Variants in PGCKA1 observed in about 807,000 individuals in gnomAD.
The protein encoded by PGCKA1 is PDCD10 and GCKIII kinases-associated protein 1.
the PGCKA1 span, among the ~76,000 whole-genome samples, chr4:37,534,496 A>G: frequency 2.0e-5 from 3 of 152,258 alleles, no homozygotes; most frequent in Admixed American, 6.5e-5. Context: ...TACTGGGTTA[A>G]ACATGATAGC....
chr4:37,584,573 C>T, the PGCKA1 span, among the ~76,000 whole-genome samples: 1 of 152,102 alleles, frequency 6.6e-6, no homozygotes, highest in Admixed American at 6.5e-5. Context: ...AGCCTAAAAG[C>T]CGCAAATGAT....
chr4:37,525,057 T>G, the PGCKA1 span, among the ~76,000 whole-genome samples: 75,955 of 151,578 alleles, frequency 0.5, 19,835 homozygotes, highest in African/African-American at 0.64. Context: ...AAACTGAAAA[T>G]TAGAGACAAA....
chr4:37,589,833 T>C, the PGCKA1 span, among the ~76,000 whole-genome samples: 1 of 152,174 alleles, frequency 6.6e-6, no homozygotes. Flanking sequence ...GGTTTCACCA[T>C]GTCGGTCAGG....
At chr4:37,499,689 T>G in the PGCKA1 span, among the ~76,000 whole-genome samples, 2 of 152,070 alleles carry the variant, frequency 1.3e-5, no homozygotes, top group East Asian at 3.8e-4. Flanking sequence ...GTCTTCTCTC[T>G]TTTTTCATTT....
the PGCKA1 span, among the ~76,000 whole-genome samples, chr4:37,529,475 G>A: frequency 6.6e-6 from 1 of 152,160 alleles, no homozygotes. Flanking sequence ...TTGCAACTCA[G>A]TATGTGATGA....
the PGCKA1 span, chr4:37,460,747 G>C: frequency 3.1e-6 from 1 of 326,688 alleles, no homozygotes; most frequent in Non-Finnish European, 5.9e-6. Context: ...CCTTTGTCAG[G>C]TGGGTAGATT....
chr4:37,481,303 A>AT, the PGCKA1 span, among the ~76,000 whole-genome samples: 1 of 151,838 alleles, frequency 6.6e-6, no homozygotes, highest in Non-Finnish European at 1.5e-5. Flanking sequence ...CTACTAAAAA[A>AT]AAAATACAAA....
chr4:37,545,107 T>C, the PGCKA1 span, among the ~76,000 whole-genome samples: 2 of 152,176 alleles, frequency 1.3e-5, no homozygotes, highest in African/African-American at 4.8e-5. Flanking sequence ...CCACGCACCT[T>C]GGCCTCCCCA....
the PGCKA1 span, among the ~76,000 whole-genome samples, chr4:37,495,013 TAG>T: frequency 1.6e-3 from 244 of 151,476 alleles, 2 homozygotes; most frequent in African/African-American, 5.5e-3. Flanking sequence ...CCAGAATCTA[TAG>T]AGAGCTTAAA....
At chr4:37,503,611 A>G in the PGCKA1 span, among the ~76,000 whole-genome samples, 4 of 152,150 alleles carry the variant, frequency 2.6e-5, no homozygotes, top group Admixed American at 2.6e-4. Context: ...CCTCACCAGT[A>G]TTTGTTATTG....
the PGCKA1 span, among the ~76,000 whole-genome samples, chr4:37,503,102 C>G: frequency 2.8e-4 from 43 of 152,290 alleles, no homozygotes; most frequent in African/African-American, 9.6e-4. Context: ...TATGCTGCCC[C>G]TACCACTTCT....
the PGCKA1 span, among the ~76,000 whole-genome samples, chr4:37,527,948 C>T: frequency 2.0e-5 from 3 of 152,278 alleles, no homozygotes; most frequent in Admixed American, 2.0e-4. Flanking sequence ...GTGTGGTAGG[C>T]TACACCATCT....
the PGCKA1 span, among the ~76,000 whole-genome samples, chr4:37,553,234 C>A: frequency 1.3e-5 from 2 of 150,592 alleles, no homozygotes; most frequent in African/African-American, 4.9e-5. Flanking sequence ...CAGCAGTATA[C>A]CAAAAAATAT....
At chr4:37,540,578 T>G in the PGCKA1 span, among the ~76,000 whole-genome samples, 1 of 152,236 alleles carries the variant, frequency 6.6e-6, no homozygotes, top group South Asian at 2.1e-4. Flanking sequence ...TGAAAAGATA[T>G]TTCCTTGTGC....
chr4:37,497,172 G>C, the PGCKA1 span, among the ~76,000 whole-genome samples: 15 of 152,194 alleles, frequency 9.9e-5, no homozygotes, highest in African/African-American at 2.4e-4. Flanking sequence ...ATATCACTGA[G>C]AACATATGAT....
the PGCKA1 span, among the ~76,000 whole-genome samples, chr4:37,504,028 T>C: frequency 2.0e-5 from 3 of 152,204 alleles, no homozygotes; most frequent in South Asian, 4.1e-4. Flanking sequence ...TCCAGTCCAA[T>C]GTCCTAGAGA....
At chr4:37,559,682 T>C in the PGCKA1 span, among the ~76,000 whole-genome samples, 1 of 152,172 alleles carries the variant, frequency 6.6e-6, no homozygotes, top group Non-Finnish European at 1.5e-5. Context: ...CGACTAGTCC[T>C]CGAGATGATT....
the PGCKA1 span, among the ~76,000 whole-genome samples, chr4:37,461,541 T>C: frequency 6.6e-6 from 1 of 151,762 alleles, no homozygotes; most frequent in African/African-American, 2.4e-5. Context: ...TACATGAGGG[T>C]GGAGGAGCTT....
chr4:37,579,598 T>C, the PGCKA1 span, among the ~76,000 whole-genome samples: 1 of 152,226 alleles, frequency 6.6e-6, no homozygotes, highest in South Asian at 2.1e-4. Flanking sequence ...TGACATGTCA[T>C]ATCTCTCCTG....
Sources: gnomAD v4.1 joint callset for allele counts (sites outside exome capture counted in the v4.1 genomes callset) on GRCh38, gnomAD v4.1.1 for gene constraint, MANE v1.5 for transcripts, NCBI Gene and HGNC (gene_info 2026-07-23, HGNC 2026-07-21) for gene names.